The following S100A8 variants were observed in gnomAD, a reference collection of about 807,000 sequenced individuals.
S100A8 encodes the protein S100 calcium binding protein A8.
S100A8 carries 1 observed loss-of-function variant against 4.2 expected under a neutral mutation model. That is an observed-to-expected ratio of 0.24 (90% CI 0.08 to 1.12). S100A8 has a LOEUF of 1.12. Ranked by LOEUF, S100A8 falls within the 50% of genes most tolerant of loss-of-function variation. The pLI is 0.53. For synonymous variants in S100A8, 41 were observed against 44.7 expected (o/e 0.92, Z 0.33); for missense variants, 96 against 111.8 (o/e 0.86, Z 0.64).
upstream of S100A8, among the ~76,000 whole-genome samples, chr1:153,393,433 G>A (rs760951162): frequency 6.6e-6 from 1 of 152,158 alleles, no homozygotes; most frequent in Non-Finnish European, 1.5e-5. Context: ...GCTACTACAT[G>A]TTCAATTAAT....
upstream of S100A8, among the ~76,000 whole-genome samples, chr1:153,392,373 T>C (rs75989482): frequency 7.9e-3 from 1,196 of 152,318 alleles, 22 homozygotes; most frequent in African/African-American, 0.027. Context: ...GGAAGCCTAA[T>C]GCACTGTTAG....
the S100A8 span, chr1:153,421,581 T>G: frequency 3.3e-5 from 5 of 152,228 alleles, no homozygotes; most frequent in Non-Finnish European, 5.9e-5. Flanking sequence ...AGGCAGGTTG[T>G]GCAGCTTAGG....
upstream of S100A8, among the ~76,000 whole-genome samples, chr1:153,394,372 G>C (rs1204201478): frequency 3.3e-5 from 5 of 152,340 alleles, no homozygotes; most frequent in East Asian, 9.6e-4. Flanking sequence ...GGGCCTGCAA[G>C]AAGAGTGGCC....
the S100A8 span, among the ~76,000 whole-genome samples, chr1:153,399,232 T>C: frequency 1.3e-5 from 2 of 152,198 alleles, no homozygotes; most frequent in African/African-American, 4.8e-5. Flanking sequence ...CCTCCAATTA[T>C]GGCAGCCAGT....
the S100A8 span, among the ~76,000 whole-genome samples, chr1:153,404,356 T>C: frequency 6.6e-6 from 1 of 152,320 alleles, no homozygotes; most frequent in African/African-American, 2.4e-5. Flanking sequence ...TCCAGCCCTC[T>C]AATCACATGG....
chr1:153,394,721 G>A (rs750190596), upstream of S100A8, among the ~76,000 whole-genome samples: 38 of 152,122 alleles, frequency 2.5e-4, no homozygotes, highest in Non-Finnish European at 4.9e-4. Flanking sequence ...GGAGCAGCAG[G>A]GGCAAATTCT....
the S100A8 span, among the ~76,000 whole-genome samples, chr1:153,418,699 A>T: frequency 1.3e-5 from 2 of 152,242 alleles, no homozygotes; most frequent in Non-Finnish European, 2.9e-5. Context: ...GGTCTAGATG[A>T]CCAAGAGTAG....
the S100A8 span, chr1:153,419,096 A>C: frequency 2.4e-5 from 38 of 1,597,344 alleles, no homozygotes; most frequent in Admixed American, 4.6e-4. Context: ...CCAGCCCAAA[A>C]CTTGTTTGTG....
At chr1:153,417,935 T>TG in the S100A8 span, 4 of 1,111,188 alleles carry the variant, frequency 3.6e-6, no homozygotes, top group Non-Finnish European at 5.1e-6. Flanking sequence ...CCATCACATT[T>TG]AAAAAAATCA....
intron 1 of S100A8, 60 bp from the exon 2 acceptor site, chr1:153,390,617 G>C: frequency 1.3e-6 from 2 of 1,582,086 alleles, no homozygotes; most frequent in Non-Finnish European, 1.7e-6. Flanking sequence ...GGCCAGGGCA[G>C]TACGCAGAGG....
chr1:153,400,915 C>T, the S100A8 span, among the ~76,000 whole-genome samples: 1 of 152,328 alleles, frequency 6.6e-6, no homozygotes, highest in South Asian at 2.1e-4. Flanking sequence ...ACCCATATGG[C>T]TTACTGTTGG....
At chr1:153,404,416 C>T in the S100A8 span, among the ~76,000 whole-genome samples, 2 of 152,136 alleles carry the variant, frequency 1.3e-5, no homozygotes, top group Admixed American at 6.5e-5. Flanking sequence ...AGGGGTCCAC[C>T]AAGAGTCACC....
chr1:153,417,948 T>C, the S100A8 span: 4 of 1,303,872 alleles, frequency 3.1e-6, no homozygotes, highest in Non-Finnish European at 4.2e-6. Context: ...AAAAATCAAG[T>C]TCCTTCTGCT....
chr1:153,401,501 C>G, the S100A8 span, among the ~76,000 whole-genome samples: 2 of 152,180 alleles, frequency 1.3e-5, no homozygotes, highest in African/African-American at 2.4e-5. Context: ...CCCAACCACC[C>G]ATGGCCAGGA....
chr1:153,410,940 T>A, the S100A8 span, among the ~76,000 whole-genome samples: 9 of 152,212 alleles, frequency 5.9e-5, no homozygotes, highest in African/African-American at 1.4e-4. Context: ...CCCTTCATGC[T>A]AAAAACTCTC....
At chr1:153,407,835 C>A in the S100A8 span, among the ~76,000 whole-genome samples, 1 of 152,258 alleles carries the variant, frequency 6.6e-6, no homozygotes. Context: ...GCAGCCTCCG[C>A]TGGTGACACC....
chr1:153,392,845 C>T (rs886597504), upstream of S100A8, among the ~76,000 whole-genome samples: 1 of 152,184 alleles, frequency 6.6e-6, no homozygotes, highest in African/African-American at 2.4e-5. Context: ...GGATGTGAGC[C>T]ATTGGGGACC....
chr1:153,395,222 G>C (rs1662188674), upstream of S100A8, among the ~76,000 whole-genome samples: 1 of 151,972 alleles, frequency 6.6e-6, no homozygotes, highest in African/African-American at 2.4e-5. Context: ...TCTCCCTCAG[G>C]AAGCCTTCCT....
the S100A8 span, among the ~76,000 whole-genome samples, chr1:153,400,381 C>T: frequency 6.6e-6 from 1 of 152,122 alleles, no homozygotes; most frequent in Non-Finnish European, 1.5e-5. Flanking sequence ...CCTCTGCCAA[C>T]TCACCCCAAC....
Sources: allele counts gnomAD v4.1 joint callset (sites outside exome capture counted in the v4.1 genomes callset), GRCh38; gene constraint gnomAD v4.1.1; transcripts MANE v1.5; gene names NCBI Gene and HGNC (gene_info 2026-07-23, HGNC 2026-07-21).